GATA4: variants seen among roughly 807,000 people sequenced by gnomAD.
The protein encoded by GATA4 is transcription factor GATA-4.
GATA4 carries 7 observed loss-of-function variants against 37.9 expected under a neutral mutation model. That is an observed-to-expected ratio of 0.18 (90% confidence interval 0.11 to 0.35). GATA4 has a LOEUF of 0.35. Ranked by LOEUF, GATA4 falls within the 10% of genes least tolerant of loss-of-function variation. GATA4 has a pLI of 1.00. For missense variants in GATA4, 647 were observed against 653.0 expected (o/e 0.99, Z 0.10); for synonymous variants, 372 against 292.6 (o/e 1.27, Z -2.77).
At chr8:11,688,649 G>A (rs1261112049), upstream of GATA4, among the ~76,000 whole-genome samples, 1 of 152,216 alleles carries the variant, frequency 6.6e-6, no homozygotes, top group Admixed American at 6.5e-5. Context: ...AGGAGGGAAT[G>A]GAAAGATTGC....
intron 2 of GATA4, among the ~76,000 whole-genome samples, chr8:11,745,404 T>C (rs527992868): frequency 9.1e-4 from 98 of 107,260 alleles, no homozygotes; most frequent in Middle Eastern, 9.4e-3. Context: ...TGAGAGCTTG[T>C]CTCTACCAAA....
chr8:11,750,319 A>G (rs1802241300), intron 4 of GATA4, 83 bp downstream of exon 4: 15 of 1,570,694 alleles, frequency 9.5e-6, no homozygotes, highest in Non-Finnish European at 1.1e-5. Context: ...CCTTTGTACT[A>G]GCATTCATTT....
chr8:11,719,595 G>C (rs1800581832), intron 2 of GATA4, among the ~76,000 whole-genome samples: 1 of 152,058 alleles, frequency 6.6e-6, no homozygotes, highest in Non-Finnish European at 1.5e-5. Context: ...AAAATAATTG[G>C]TAATCTTACC....
intron 2 of GATA4, among the ~76,000 whole-genome samples, chr8:11,744,001 A>C (rs4841584): frequency 0.054 from 8,225 of 152,322 alleles, 307 homozygotes; most frequent in Non-Finnish European, 0.079. Flanking sequence ...ATTAATTAAT[A>C]CTTCCCATGA....
At chr8:11,693,126 C>T (rs1217851189) in intron 1 of GATA4, 2 of 952,440 alleles carry the variant, frequency 2.1e-6, no homozygotes, top group Non-Finnish European at 2.5e-6. Flanking sequence ...TGTCTGTTAA[C>T]GATGTGGTGT....
At chr8:11,699,656 C>G (rs1414327040), upstream of GATA4, among the ~76,000 whole-genome samples, 1 of 152,234 alleles carries the variant, frequency 6.6e-6, no homozygotes, top group Non-Finnish European at 1.5e-5. Flanking sequence ...CTGCTGGGGC[C>G]CCTGCCTGGA....
At chr8:11,743,192 G>T (rs1801844462) in intron 2 of GATA4, among the ~76,000 whole-genome samples, 1 of 152,250 alleles carries the variant, frequency 6.6e-6, no homozygotes, top group South Asian at 2.1e-4. Context: ...CATCACAAAG[G>T]TAGTGATTAT....
intron 5 of GATA4, 130 bp downstream of exon 5, chr8:11,755,263 G>A: frequency 1.4e-6 from 1 of 722,420 alleles, no homozygotes; most frequent in Non-Finnish European, 2.5e-6. Context: ...GGACATCCCT[G>A]GCCTTTCAGG....
intron 4 of GATA4, among the ~76,000 whole-genome samples, chr8:11,753,496 G>GA (rs34925763): frequency 0.2 from 28,148 of 143,098 alleles, 3,818 homozygotes; most frequent in African/African-American, 0.39. Flanking sequence ...TACTGCAACT[G>GA]AAAAAAAAAA....
upstream of GATA4, chr8:11,700,783 G>C (rs961664769): frequency 6.6e-6 from 1 of 152,280 alleles, no homozygotes; most frequent in Non-Finnish European, 1.5e-5. Flanking sequence ...AATGAGGTTT[G>C]ATTCTCTCTG....
intron 1 of GATA4, chr8:11,697,654 G>T: frequency 1.0e-6 from 1 of 985,464 alleles, no homozygotes; most frequent in Non-Finnish European, 1.2e-6. Flanking sequence ...CCTTTCAGAG[G>T]ACCCCGGGTC....
intron 1 of GATA4, chr8:11,683,173 T>C (rs2129938428): frequency 1.1e-6 from 1 of 942,428 alleles, no homozygotes; most frequent in South Asian, 4.9e-5. Context: ...CGCTATCTAA[T>C]CTGGACAGCA....
intron 1 of GATA4, chr8:11,681,109 G>C: frequency 1.0e-6 from 1 of 982,336 alleles, no homozygotes. Context: ...CAGGCTCGCA[G>C]GGTTCGTGGT....
chr8:11,692,848 G>T, intron 1 of GATA4: 17 of 981,694 alleles, frequency 1.7e-5, no homozygotes, highest in Non-Finnish European at 2.1e-5. Context: ...GGCCGGCCGG[G>T]GGCTGACCCC....
intron 1 of GATA4, chr8:11,681,373 T>C (rs1798965136): frequency 4.1e-6 from 4 of 985,106 alleles, no homozygotes; most frequent in Middle Eastern, 5.2e-4. Flanking sequence ...CTAGGTCTCA[T>C]AAAAACTCCT....
At chr8:11,692,407 G>T (rs1358397548), upstream of GATA4, 1 of 700,570 alleles carries the variant, frequency 1.4e-6, no homozygotes. Context: ...TATTTACGTT[G>T]ATTTCTCTAC....
At chr8:11,748,506 T>C (rs577080736) in intron 2 of GATA4, among the ~76,000 whole-genome samples, 1 of 152,334 alleles carries the variant, frequency 6.6e-6, no homozygotes, top group East Asian at 1.9e-4. Context: ...TTTCCTAAGG[T>C]AAATATTTAT....
chr8:11,757,134 A>C (rs1236752944), intron 6 of GATA4, 51 bp downstream of exon 6: 5 of 1,607,818 alleles, frequency 3.1e-6, no homozygotes, highest in Non-Finnish European at 4.3e-6. Flanking sequence ...GGCCGACTGC[A>C]GAGTCCCAGA....
chr8:11,679,709 G>T lies in GATA4; in HGVS notation c.-274+2646G>T, dbSNP rs185152329. ...GCCGGGTGCTGGGCGAACAGTCCTA[G>T]CCCTGCACTGAGGTTGGAAAAGCGA... On this transcript the variant is annotated intron_variant, in intron 1 of 6. Coordinates refer to the GATA4 transcript ENST00000528712. Among the ~76,000 whole-genome samples, 56 of 152,316 alleles carry T rather than the reference G, an allele frequency of 3.7e-4. 1 individual carries two copies. The East Asian group carries it at 9.1e-3, about 25-fold the overall frequency.
Sources: gnomAD v4.1 joint callset for allele counts (sites outside exome capture counted in the v4.1 genomes callset) on GRCh38, gnomAD v4.1.1 for gene constraint, MANE v1.5 for transcripts, NCBI Gene and HGNC (gene_info 2026-07-23, HGNC 2026-07-21) for gene names.